Variants in CYSTM1 observed in about 807,000 individuals in gnomAD.
CYSTM1 encodes the protein cysteine-rich transmembrane module-containing protein 1.
Under a neutral mutation model 13.1 loss-of-function variants are expected in CYSTM1, and 4 were observed. The ratio of observed to expected loss-of-function variants is 0.31; its 90% CI spans 0.15 to 0.70. CYSTM1 has a LOEUF of 0.70. Among genes scored for constraint, CYSTM1 ranks in the 30% least tolerant of loss-of-function variants. The pLI, the probability that CYSTM1 is intolerant of heterozygous loss-of-function variation, is 0.72. For synonymous variants in CYSTM1, 36 were observed against 42.7 expected (o/e 0.84, Z 0.62); for missense variants, 96 against 121.6 (o/e 0.79, Z 0.99).
chr5:140,236,431 C>T (rs558609131), intron 2 of CYSTM1, among the ~76,000 whole-genome samples: 122 of 152,306 alleles, frequency 8.0e-4, no homozygotes, highest in African/African-American at 2.8e-3. Context: ...ACGGCAGGCA[C>T]CTCGGTTCTT....
At chr5:140,222,032 G>A (rs1408062702) in intron 2 of CYSTM1, among the ~76,000 whole-genome samples, 1 of 152,184 alleles carries the variant, frequency 6.6e-6, no homozygotes, top group South Asian at 2.1e-4. Context: ...CCTTACTACC[G>A]CCAGCTTGCT....
intron 1 of CYSTM1, among the ~76,000 whole-genome samples, chr5:140,178,331 A>C (rs933329966): frequency 6.6e-6 from 1 of 152,142 alleles, no homozygotes; most frequent in African/African-American, 2.4e-5. Context: ...AGCTCCTCCA[A>C]AGCAGAATAT....
chr5:140,196,464 T>A (rs7705999), intron 2 of CYSTM1, among the ~76,000 whole-genome samples: 35,172 of 152,186 alleles, frequency 0.23, 4,103 homozygotes, highest in African/African-American at 0.25. Context: ...TGGAAAAGAT[T>A]ATACTTTTAT....
At chr5:140,177,425 G>A (rs1714866056) in intron 1 of CYSTM1, among the ~76,000 whole-genome samples, 1 of 152,142 alleles carries the variant, frequency 6.6e-6, no homozygotes, top group South Asian at 2.1e-4. Context: ...ACTTACCAAA[G>A]TCTGTTTTCT....
At chr5:140,200,538 T>A (rs1289981381) in intron 2 of CYSTM1, 1 of 149,252 alleles carries the variant, frequency 6.7e-6, no homozygotes, top group Non-Finnish European at 1.5e-5. Flanking sequence ...CCCCATTTCC[T>A]TCCACTCTTC....
chr5:140,227,543 G>C (rs571574211), intron 2 of CYSTM1, among the ~76,000 whole-genome samples: 1 of 152,264 alleles, frequency 6.6e-6, no homozygotes, highest in African/African-American at 2.4e-5. Context: ...TATGGGTTAG[G>C]AGGTGCCAGG....
intron 2 of CYSTM1, among the ~76,000 whole-genome samples, chr5:140,222,214 A>C (rs1746027342): frequency 1.3e-5 from 2 of 152,358 alleles, no homozygotes; most frequent in South Asian, 4.1e-4. Flanking sequence ...TTGTGCAAGC[A>C]TGGTATTATC....
chr5:140,180,684 T>G (rs1763951816), intron 1 of CYSTM1, among the ~76,000 whole-genome samples: 1 of 152,188 alleles, frequency 6.6e-6, no homozygotes, highest in Admixed American at 6.5e-5. Flanking sequence ...AGTCAGATCT[T>G]GGAAACTGGG....
chr5:140,231,453 G>C (rs1764616167), intron 2 of CYSTM1, among the ~76,000 whole-genome samples: 1 of 152,208 alleles, frequency 6.6e-6, no homozygotes, highest in African/African-American at 2.4e-5. Flanking sequence ...CGTAGCTCCA[G>C]AGTGTCAGGT....
chr5:140,178,432 A>C (rs1368341526), intron 1 of CYSTM1, among the ~76,000 whole-genome samples: 1 of 108,018 alleles, frequency 9.3e-6, no homozygotes, highest in Non-Finnish European at 2.0e-5. Flanking sequence ...AGCCCTATTC[A>C]AGTCCTTCCT....
chr5:140,188,548 T>C lies in CYSTM1; in HGVS notation c.-20-5898T>C, dbSNP rs370366879. On this transcript the variant is annotated intron_variant, in intron 1 of 2. Coordinates refer to ENST00000261811, the MANE Select transcript of CYSTM1 (RefSeq NM_032412.4). ...GGCTCACGCCTGTAATCCCAGCACT[T>C]TGGGAGGCCGAGGCGGGCGGATCAC... is the stretch of plus-strand genomic sequence containing the variant. Among the ~76,000 whole-genome samples the C allele has an allele frequency of 9.5e-4, 145 of 152,144 alleles. 1 individual carries two copies. In the South Asian group the frequency reaches 0.029, roughly 30 times the overall value.
chr5:140,236,790 G>A (rs1764686032), intron 2 of CYSTM1, among the ~76,000 whole-genome samples: 1 of 152,210 alleles, frequency 6.6e-6, no homozygotes, highest in African/African-American at 2.4e-5. Flanking sequence ...TGGTGGCAGG[G>A]ACATGGGGAA....
chr5:140,215,868 C>G (rs1708783270), intron 2 of CYSTM1, among the ~76,000 whole-genome samples: 1 of 152,124 alleles, frequency 6.6e-6, no homozygotes, highest in South Asian at 2.1e-4. Flanking sequence ...AGGCGGGGCA[C>G]AATGACTCAC....
At chr5:140,188,445 T>G (rs959299816) in intron 1 of CYSTM1, among the ~76,000 whole-genome samples, 7 of 152,192 alleles carry the variant, frequency 4.6e-5, no homozygotes. Flanking sequence ...CTGAAAGCAC[T>G]AGGAAAACTT....
intron 2 of CYSTM1, among the ~76,000 whole-genome samples, chr5:140,203,387 C>T (rs1764254647): frequency 6.6e-6 from 1 of 152,180 alleles, no homozygotes; most frequent in Admixed American, 6.5e-5. Context: ...ATGTCACATC[C>T]ATCACACTCT....
At chr5:140,222,809 G>C (rs1368375) in intron 2 of CYSTM1, among the ~76,000 whole-genome samples, 36,227 of 152,214 alleles carry the variant, frequency 0.24, 4,637 homozygotes, top group South Asian at 0.46. Flanking sequence ...GGAACTTAGA[G>C]TCTAGTTAGG....
intron 1 of CYSTM1, among the ~76,000 whole-genome samples, chr5:140,181,535 G>C (rs536237861): frequency 6.6e-6 from 1 of 152,340 alleles, no homozygotes; most frequent in South Asian, 2.1e-4. Flanking sequence ...CCAGACTGGA[G>C]TGCATGGCAT....
chr5:140,231,605 A>C (rs7703595), intron 2 of CYSTM1, among the ~76,000 whole-genome samples: 35,129 of 152,088 alleles, frequency 0.23, 4,090 homozygotes, highest in African/African-American at 0.25. Flanking sequence ...TGCCATGAAA[A>C]CCTACAAAAG....
intron 2 of CYSTM1, among the ~76,000 whole-genome samples, chr5:140,211,282 G>A (rs998859351): frequency 7.9e-5 from 12 of 152,168 alleles, no homozygotes; most frequent in Non-Finnish European, 1.6e-4. Context: ...ACTTGTTCAT[G>A]GTCACAGAGC....
Sources: gnomAD v4.1 joint callset for allele counts (sites outside exome capture counted in the v4.1 genomes callset) on GRCh38, gnomAD v4.1.1 for gene constraint, MANE v1.5 for transcripts, NCBI Gene and HGNC (gene_info 2026-07-23, HGNC 2026-07-21) for gene names.